The following KCNH7 variants were observed in gnomAD, a reference collection of about 807,000 sequenced individuals.
KCNH7 encodes the protein voltage-gated inwardly rectifying potassium channel KCNH7.
A neutral mutation model predicts 120.8 loss-of-function variants in KCNH7; 49 were observed. The ratio of observed to expected loss-of-function variants is 0.41; its 90% CI spans 0.32 to 0.51. The LOEUF is 0.51. KCNH7 is among the 20% of genes least tolerant of loss of function. The probability of loss-of-function intolerance (pLI) is 0.38; values close to 1 mark genes in which losing one functional copy is unlikely to be tolerated. For synonymous variants in KCNH7, 547 were observed against 516.1 expected (o/e 1.06, Z -0.81); for missense variants, 1,097 against 1,446.6 (o/e 0.76, Z 3.92).
intron 2 of KCNH7, among the ~76,000 whole-genome samples, chr2:162,602,961 T>G (rs1267549158): frequency 6.6e-6 from 1 of 151,186 alleles, no homozygotes; most frequent in East Asian, 1.9e-4. Context: ...TTTTTTTTTT[T>G]TGGTAATGTT....
chr2:162,491,784 A>T (rs950634345), intron 6 of KCNH7, among the ~76,000 whole-genome samples: 1 of 152,164 alleles, frequency 6.6e-6, no homozygotes, highest in Non-Finnish European at 1.5e-5. Context: ...GAAAGGACCT[A>T]GGGATGCCTT....
chr2:162,496,357 G>C (rs1375814760), intron 6 of KCNH7, among the ~76,000 whole-genome samples: 2 of 152,096 alleles, frequency 1.3e-5, no homozygotes, highest in Non-Finnish European at 2.9e-5. Context: ...AACTTACACA[G>C]TTCTCTTAAG....
chr2:162,614,136 C>T (rs536445386), intron 2 of KCNH7, among the ~76,000 whole-genome samples: 77 of 152,096 alleles, frequency 5.1e-4, no homozygotes, highest in African/African-American at 1.5e-3. Flanking sequence ...AGTATGTAAA[C>T]TAGAGCAGTA....
At chr2:162,720,277 TC>T (rs1017539448) in intron 2 of KCNH7, among the ~76,000 whole-genome samples, 14 of 143,374 alleles carry the variant, frequency 9.8e-5, no homozygotes, top group Admixed American at 6.4e-4. Flanking sequence ...CTCATGTCCT[TC>T]ACCATCTAGT....
At chr2:162,407,923 G>A (rs1460782225) in intron 9 of KCNH7, among the ~76,000 whole-genome samples, 1 of 152,034 alleles carries the variant, frequency 6.6e-6, no homozygotes, top group Non-Finnish European at 1.5e-5. Context: ...CTTGAATCAA[G>A]TTTTATGGTT....
At chr2:162,752,972 A>G (rs923487520) in intron 2 of KCNH7, among the ~76,000 whole-genome samples, 1 of 119,134 alleles carries the variant, frequency 8.4e-6, no homozygotes, top group Non-Finnish European at 1.5e-5. Context: ...AGAAAAGAAA[A>G]GAAAAGAAAA....
intron 12 of KCNH7, among the ~76,000 whole-genome samples, chr2:162,392,710 T>G (rs576203428): frequency 6.6e-6 from 1 of 151,542 alleles, no homozygotes; most frequent in East Asian, 2.0e-4. Flanking sequence ...ACAACTGGAG[T>G]AAATGTTGCT....
intron 14 of KCNH7, among the ~76,000 whole-genome samples, chr2:162,377,822 A>G (rs1686263375): frequency 6.6e-6 from 1 of 152,228 alleles, no homozygotes. Flanking sequence ...GGAACACATC[A>G]AAAGAGATTT....
At chr2:162,636,610 C>T (rs1392584481) in intron 2 of KCNH7, among the ~76,000 whole-genome samples, 3 of 152,084 alleles carry the variant, frequency 2.0e-5, no homozygotes, top group Non-Finnish European at 4.4e-5. Flanking sequence ...ATGACATAGT[C>T]ATCACATACT....
intron 2 of KCNH7, among the ~76,000 whole-genome samples, chr2:162,737,227 A>G (rs1471837141): frequency 6.6e-6 from 1 of 152,138 alleles, no homozygotes; most frequent in Non-Finnish European, 1.5e-5. Context: ...CTTGAGTTAA[A>G]TGGGGGCCAA....
At chr2:162,786,270 A>G (rs1460377484) in intron 2 of KCNH7, among the ~76,000 whole-genome samples, 1 of 148,362 alleles carries the variant, frequency 6.7e-6, no homozygotes, top group East Asian at 2.0e-4. Context: ...AAAAGCTAGT[A>G]GTATGAGCCA....
chr2:162,647,742 C>A (rs907346389), intron 2 of KCNH7, among the ~76,000 whole-genome samples: 1 of 152,152 alleles, frequency 6.6e-6, no homozygotes, highest in South Asian at 2.1e-4. Context: ...CTGAGTCAAT[C>A]AATCCTCTTT....
At chr2:162,682,950 T>G (rs1344130318) in intron 2 of KCNH7, among the ~76,000 whole-genome samples, 1 of 151,860 alleles carries the variant, frequency 6.6e-6, no homozygotes, top group African/African-American at 2.4e-5. Context: ...GTTCTGGCAC[T>G]GAATTTGGCT....
chr2:162,643,799 T>A (rs1684249473), intron 2 of KCNH7, among the ~76,000 whole-genome samples: 1 of 89,854 alleles, frequency 1.1e-5, no homozygotes, highest in African/African-American at 5.3e-5. Flanking sequence ...AGCAAGACTC[T>A]ATCTCAAAAA....
At chr2:162,828,049 T>C (rs1417342105) in intron 2 of KCNH7, among the ~76,000 whole-genome samples, 1 of 152,116 alleles carries the variant, frequency 6.6e-6, no homozygotes, top group Non-Finnish European at 1.5e-5. Context: ...AAAGATCAAA[T>C]GATTACTATT....
intron 6 of KCNH7, among the ~76,000 whole-genome samples, chr2:162,500,017 G>A (rs983864352): frequency 4.6e-5 from 7 of 151,728 alleles, no homozygotes; most frequent in African/African-American, 1.7e-4. Flanking sequence ...TAAAGTCAAT[G>A]TACTGTACTT....
intron 2 of KCNH7, among the ~76,000 whole-genome samples, chr2:162,599,433 C>T (rs931528811): frequency 2.6e-5 from 4 of 151,816 alleles, no homozygotes; most frequent in African/African-American, 9.7e-5. Flanking sequence ...GTTGTGAAAT[C>T]AAATTAGAAT....
At chr2:162,608,659 A>C (rs766130956) in intron 2 of KCNH7, among the ~76,000 whole-genome samples, 4 of 152,030 alleles carry the variant, frequency 2.6e-5, no homozygotes. Context: ...CATTCTTCCA[A>C]CTCTGCCTTT....
intron 2 of KCNH7, among the ~76,000 whole-genome samples, chr2:162,566,535 A>G (rs1206960452): frequency 6.6e-6 from 1 of 152,098 alleles, no homozygotes; most frequent in African/African-American, 2.4e-5. Flanking sequence ...AGGGAAAAAT[A>G]AAAGATAGTC....
Sources: gnomAD v4.1 joint callset for allele counts (sites outside exome capture counted in the v4.1 genomes callset) on GRCh38, gnomAD v4.1.1 for gene constraint, MANE v1.5 for transcripts, NCBI Gene and HGNC (gene_info 2026-07-23, HGNC 2026-07-21) for gene names.